Variants in PDE4B observed in about 807,000 individuals in gnomAD.
PDE4B encodes the protein phosphodiesterase 4B, also known as 3',5'-cyclic-AMP phosphodiesterase 4B.
PDE4B carries 20 observed loss-of-function variants against 82.2 expected under a neutral mutation model. The ratio of observed to expected loss-of-function variants is 0.24; its 90% CI spans 0.17 to 0.35. The LOEUF is 0.35. Ranked by LOEUF, PDE4B falls within the 10% of genes least tolerant of loss-of-function variation. The pLI, the probability that PDE4B is intolerant of heterozygous loss-of-function variation, is 1.00. For synonymous variants in PDE4B, 320 were observed against 318.9 expected (o/e 1.00, Z -0.04); for missense variants, 655 against 907.2 (o/e 0.72, Z 3.57).
intron 3 of PDE4B, among the ~76,000 whole-genome samples, chr1:65,977,189 T>C (rs929056934): frequency 2.0e-5 from 3 of 152,306 alleles, no homozygotes; most frequent in Middle Eastern, 6.8e-3. Context: ...GGTTCACAAA[T>C]ATTGGTGTGC....
chr1:65,887,342 TC>T, intron 1 of PDE4B, among the ~76,000 whole-genome samples: 1 of 64,670 alleles, frequency 1.5e-5, no homozygotes, highest in African/African-American at 7.1e-5. Flanking sequence ...TCTTTCATTT[TC>T]TTTCTCTCTC....
rs561472392 is a variant in PDE4B at position 66,308,179 on chromosome 1, A to G, written c.635-24329A>G. ...AGGAAGGAAATGCAAAATTGGGCAG[A>G]TAAGGTAGCTGAGGTCAGATGAGGA... On this transcript the variant is annotated intron_variant, in intron 7 of 16. Coordinates refer to ENST00000341517, the MANE Select transcript of PDE4B (RefSeq NM_002600.4). 2.6e-5 allele frequency among the ~76,000 whole-genome samples: 4 copies of G among 152,252 alleles called. No individual in the cohort carries two copies. The South Asian group carries it at 8.3e-4, about 32-fold the overall frequency.
At chr1:65,983,140 T>C (rs541146916) in intron 3 of PDE4B, among the ~76,000 whole-genome samples, 38 of 152,346 alleles carry the variant, frequency 2.5e-4, no homozygotes, top group Middle Eastern at 3.4e-3. Context: ...AATAGGAATG[T>C]TTGTCCTGTG....
At chr1:65,958,510 T>C (rs1649371028) in intron 3 of PDE4B, among the ~76,000 whole-genome samples, 1 of 152,108 alleles carries the variant, frequency 6.6e-6, no homozygotes, top group Admixed American at 6.6e-5. Flanking sequence ...TGCCCTCTTT[T>C]TATCTTTTGG....
In PDE4B at chr1:66,270,412, G is replaced by A. The variant is rs369499769; in HGVS notation, c.634+4325G>A. Among the ~76,000 whole-genome samples the A allele has an allele frequency of 7.2e-5, 11 of 152,308 alleles. No individual in the cohort carries two copies. In the East Asian group the frequency reaches 1.3e-3, roughly 19 times the overall value. ...GGAGGTTCATGTGGGTGTACCAGAT[G>A]CAGGGTCTCTTCAAGTAGTGGACAA... On this transcript the variant is annotated intron_variant, in intron 7 of 16. Transcript: ENST00000341517.
At chr1:65,808,565 G>A (rs564846713) in intron 1 of PDE4B, among the ~76,000 whole-genome samples, 4 of 152,338 alleles carry the variant, frequency 2.6e-5, no homozygotes, top group South Asian at 4.1e-4. Context: ...ATGGGAGGAC[G>A]TGTTTGAAAG....
intron 3 of PDE4B, among the ~76,000 whole-genome samples, chr1:66,000,661 G>A (rs887784236): frequency 2.0e-5 from 3 of 152,194 alleles, no homozygotes; most frequent in Admixed American, 2.0e-4. Flanking sequence ...GGAACTTAGG[G>A]AGAATGAGGA....
chr1:66,305,913 C>T (rs553433999), intron 7 of PDE4B, among the ~76,000 whole-genome samples: 17 of 152,212 alleles, frequency 1.1e-4, no homozygotes, highest in African/African-American at 4.1e-4. Flanking sequence ...AATTAGCAGA[C>T]ATAACTCATT....
At chr1:65,832,997 T>C (rs566823247) in intron 1 of PDE4B, among the ~76,000 whole-genome samples, 1 of 152,346 alleles carries the variant, frequency 6.6e-6, no homozygotes, top group South Asian at 2.1e-4. Context: ...TGACTTTCTA[T>C]GATGAATGAA....
intron 7 of PDE4B, among the ~76,000 whole-genome samples, chr1:66,275,698 G>A (rs1172985126): frequency 6.6e-6 from 1 of 152,020 alleles, no homozygotes; most frequent in Non-Finnish European, 1.5e-5. Context: ...GATCAACCCC[G>A]AGCCAGCACA....
intron 3 of PDE4B, among the ~76,000 whole-genome samples, chr1:66,004,170 G>A (rs1449900097): frequency 6.6e-6 from 1 of 152,132 alleles, no homozygotes; most frequent in Non-Finnish European, 1.5e-5. Context: ...GTGTATGATG[G>A]TTAGTATAAT....
intron 3 of PDE4B, among the ~76,000 whole-genome samples, chr1:66,156,841 G>A (rs1646511358): frequency 6.6e-6 from 1 of 152,060 alleles, no homozygotes; most frequent in African/African-American, 2.4e-5. Context: ...TATTTCACTG[G>A]TTTCCCACCT....
chr1:65,885,820 C>T (rs930440949), intron 1 of PDE4B, among the ~76,000 whole-genome samples: 2 of 150,616 alleles, frequency 1.3e-5, no homozygotes, highest in East Asian at 1.9e-4. Context: ...TGTAACAAAC[C>T]TGCATGTTGT....
intron 3 of PDE4B, among the ~76,000 whole-genome samples, chr1:66,082,631 G>A (rs1214247158): frequency 7.7e-6 from 1 of 129,132 alleles, no homozygotes; most frequent in Non-Finnish European, 1.6e-5. Context: ...AATTTTGATA[G>A]GATTGAAATA....
chr1:66,101,174 T>A (rs1264069509), intron 3 of PDE4B, among the ~76,000 whole-genome samples: 1 of 152,232 alleles, frequency 6.6e-6, no homozygotes, highest in Non-Finnish European at 1.5e-5. Flanking sequence ...ACCTTTTTTA[T>A]GGCTGCATAG....
intron 1 of PDE4B, among the ~76,000 whole-genome samples, chr1:65,804,816 C>T (rs113394903): frequency 0.011 from 1,716 of 152,160 alleles, 32 homozygotes; most frequent in African/African-American, 0.038. Context: ...TGAGTCATGT[C>T]GTGGCTGCTC....
At chr1:66,030,898 G>A (rs1345008961) in intron 3 of PDE4B, among the ~76,000 whole-genome samples, 4 of 152,156 alleles carry the variant, frequency 2.6e-5, no homozygotes, top group African/African-American at 9.7e-5. Flanking sequence ...TTATAAGTGG[G>A]GGCTAAGCAT....
At chr1:66,104,089 TC>T (rs1645284095) in intron 3 of PDE4B, among the ~76,000 whole-genome samples, 1 of 93,866 alleles carries the variant, frequency 1.1e-5, no homozygotes, top group Non-Finnish European at 2.0e-5. Flanking sequence ...CCCTCCTCCC[TC>T]CCCCCACCCT....
intron 3 of PDE4B, among the ~76,000 whole-genome samples, chr1:66,028,936 T>G (rs1046477670): frequency 6.6e-6 from 1 of 152,188 alleles, no homozygotes; most frequent in Non-Finnish European, 1.5e-5. Flanking sequence ...CTTCTGAGCC[T>G]TTCAAACTGT....
Sources: gnomAD v4.1 joint callset for allele counts (sites outside exome capture counted in the v4.1 genomes callset) on GRCh38, gnomAD v4.1.1 for gene constraint, MANE v1.5 for transcripts, NCBI Gene and HGNC (gene_info 2026-07-23, HGNC 2026-07-21) for gene names.